RGS6: variants seen among roughly 807,000 people sequenced by gnomAD.
RGS6 encodes the protein regulator of G-protein signaling 6.
Under a neutral mutation model 78.5 loss-of-function variants are expected in RGS6, and 30 were observed. That is an observed-to-expected ratio of 0.38 (90% confidence interval 0.29 to 0.52). The LOEUF is 0.52. Among genes scored for constraint, RGS6 ranks in the 20% least tolerant of loss-of-function variants. The pLI is 0.85. For missense variants in RGS6, 495 were observed against 609.7 expected, an observed-to-expected ratio of 0.81 and a Z score of 1.98; for synonymous variants, 206 against 206.0, an observed-to-expected ratio of 1.00 and a Z score of 0.00.
chr14:72,069,918 C>T (rs1029689768), intron 2 of RGS6, among the ~76,000 whole-genome samples: 11 of 152,150 alleles, frequency 7.2e-5, no homozygotes, highest in South Asian at 2.1e-4. Context: ...TTGCTTACTA[C>T]GTATTTTTGC....
chr14:72,221,923 A>C (rs1472970918), intron 2 of RGS6, among the ~76,000 whole-genome samples: 1 of 152,202 alleles, frequency 6.6e-6, no homozygotes, highest in African/African-American at 2.4e-5. Flanking sequence ...TAAGAAGAAA[A>C]AAGGAGATGT....
the RGS6 span, chr14:72,619,271 C>T: frequency 4.9e-4 from 751 of 1,535,212 alleles, 11 homozygotes; most frequent in South Asian, 8.2e-3. Context: ...TCTCCAGCAG[C>T]GAGTCACATT....
intron 2 of RGS6, among the ~76,000 whole-genome samples, chr14:72,092,395 T>G (rs985544394): frequency 8.5e-5 from 13 of 152,158 alleles, no homozygotes; most frequent in African/African-American, 3.1e-4. Context: ...CTTGCTATGT[T>G]GCCCAGGCTG....
chr14:72,043,024 T>A (rs1238355202), intron 2 of RGS6, among the ~76,000 whole-genome samples: 1 of 152,210 alleles, frequency 6.6e-6, no homozygotes, highest in East Asian at 1.9e-4. Context: ...TTTATTTGTA[T>A]TTCTTTGAAC....
intron 2 of RGS6, among the ~76,000 whole-genome samples, chr14:72,295,211 A>G (rs1282394103): frequency 1.3e-5 from 2 of 150,804 alleles, no homozygotes; most frequent in African/African-American, 4.9e-5. Context: ...GAATGGCGTG[A>G]ACCCGGGAGG....
At chr14:71,976,673 T>G (rs369447645) in intron 2 of RGS6, among the ~76,000 whole-genome samples, 1 of 152,240 alleles carries the variant, frequency 6.6e-6, no homozygotes. Flanking sequence ...GTTGGACATT[T>G]GAGTTGGTTC....
chr14:72,129,204 G>A (rs2096265751), intron 2 of RGS6, among the ~76,000 whole-genome samples: 2 of 152,090 alleles, frequency 1.3e-5, no homozygotes, highest in African/African-American at 4.8e-5. Context: ...CACTAAAGAA[G>A]GCAATACTGC....
At chr14:72,387,032 A>C (rs2088313187) in intron 3 of RGS6, among the ~76,000 whole-genome samples, 1 of 152,190 alleles carries the variant, frequency 6.6e-6, no homozygotes, top group Non-Finnish European at 1.5e-5. Context: ...ACCAACACTC[A>C]TCAAACTGTG....
At chr14:72,235,051 G>T (rs895640282) in intron 2 of RGS6, among the ~76,000 whole-genome samples, 1 of 152,080 alleles carries the variant, frequency 6.6e-6, no homozygotes, top group Non-Finnish European at 1.5e-5. Flanking sequence ...GCCATCTGAC[G>T]TGGTATTTAT....
At chr14:72,078,099 T>C (rs1353636749) in intron 2 of RGS6, among the ~76,000 whole-genome samples, 1 of 152,034 alleles carries the variant, frequency 6.6e-6, no homozygotes, top group Non-Finnish European at 1.5e-5. Context: ...TGGTGGGAGG[T>C]GATTAGATCA....
chr14:72,290,735 A>C (rs1217661473), intron 2 of RGS6, among the ~76,000 whole-genome samples: 1 of 152,192 alleles, frequency 6.6e-6, no homozygotes, highest in Non-Finnish European at 1.5e-5. Context: ...GGGATTCTTA[A>C]AGGAAGTGCT....
intron 16 of RGS6, 117 bp downstream of exon 16, chr14:72,536,392 T>G: frequency 1.3e-6 from 1 of 762,638 alleles, no homozygotes; most frequent in Non-Finnish European, 2.3e-6. Context: ...ACTTTCTTCT[T>G]TCCCTTCTCT....
chr14:72,273,449 C>T (rs1050719198), intron 2 of RGS6, among the ~76,000 whole-genome samples: 2 of 152,054 alleles, frequency 1.3e-5, no homozygotes, highest in Admixed American at 6.5e-5. Flanking sequence ...GGGTCAACAG[C>T]TAACACAGCA....
intron 12 of RGS6, among the ~76,000 whole-genome samples, chr14:72,485,289 A>G (rs28527170): frequency 0.027 from 4,161 of 152,238 alleles, 218 homozygotes; most frequent in African/African-American, 0.096. Context: ...TTGGAGGACC[A>G]TTGCTGCTGT....
At chr14:72,388,172 C>T (rs1479686675) in intron 3 of RGS6, among the ~76,000 whole-genome samples, 1 of 152,116 alleles carries the variant, frequency 6.6e-6, no homozygotes, top group Non-Finnish European at 1.5e-5. Context: ...CTCACCTTGG[C>T]TCTATTTGAG....
At chr14:71,875,769 C>T in the RGS6 span, among the ~76,000 whole-genome samples, 2 of 152,152 alleles carry the variant, frequency 1.3e-5, no homozygotes, top group African/African-American at 2.4e-5. Flanking sequence ...CCTGCTTTCT[C>T]TTGTGGGCAT....
At chr14:72,093,350 C>T (rs568929771) in intron 2 of RGS6, among the ~76,000 whole-genome samples, 1 of 152,276 alleles carries the variant, frequency 6.6e-6, no homozygotes, top group African/African-American at 2.4e-5. Flanking sequence ...TCAAGTGATC[C>T]TCCTACCTCA....
intron 1 of RGS6, among the ~76,000 whole-genome samples, chr14:71,934,249 CTT>C (rs1485581452): frequency 6.6e-6 from 1 of 152,150 alleles, no homozygotes; most frequent in Non-Finnish European, 1.5e-5. Flanking sequence ...TTGTACCACT[CTT>C]AAGCTAAATT....
chr14:71,968,536 T>A (rs2093642722), intron 2 of RGS6, among the ~76,000 whole-genome samples: 1 of 152,338 alleles, frequency 6.6e-6, no homozygotes, highest in East Asian at 1.9e-4. Context: ...TCTAGTCTTA[T>A]TTTATAGATG....
Sources: allele counts gnomAD v4.1 joint callset (sites outside exome capture counted in the v4.1 genomes callset), GRCh38; gene constraint gnomAD v4.1.1; transcripts MANE v1.5; gene names NCBI Gene and HGNC (gene_info 2026-07-23, HGNC 2026-07-21).